The following KCNAB1 variants were observed in gnomAD, a reference collection of about 807,000 sequenced individuals.
KCNAB1 encodes the protein voltage-gated potassium channel subunit beta-1.
KCNAB1 carries 35 observed loss-of-function variants against 64.6 expected under a neutral mutation model. The ratio of observed to expected loss-of-function variants is 0.54; its 90% confidence interval spans 0.41 to 0.72. The LOEUF is 0.72. Ranked by LOEUF, KCNAB1 falls within the 30% of genes least tolerant of loss-of-function variation. The pLI, the probability that KCNAB1 is intolerant of heterozygous loss-of-function variation, is 0.00. For synonymous variants in KCNAB1, 177 were observed against 183.8 expected (o/e 0.96, Z 0.30); for missense variants, 401 against 512.9 (o/e 0.78, Z 2.11).
intron 1 of KCNAB1, among the ~76,000 whole-genome samples, chr3:156,224,337 CG>C (rs1173347760): frequency 2.0e-5 from 3 of 152,252 alleles, no homozygotes; most frequent in Admixed American, 2.0e-4. Flanking sequence ...CTGAGGGAGC[CG>C]GCTCCGGCCT....
chr3:156,378,553 G>T (rs936385257), intron 1 of KCNAB1, among the ~76,000 whole-genome samples: 5 of 152,114 alleles, frequency 3.3e-5, no homozygotes, highest in Non-Finnish European at 7.4e-5. Flanking sequence ...GAGCATCTAT[G>T]TTCAAGAAAT....
chr3:156,295,665 T>G lies in KCNAB1; in HGVS notation c.276-125951T>G, dbSNP rs1720726286. On this transcript the variant is annotated intron_variant, in intron 1 of 13. Coordinates refer to ENST00000490337, the MANE Select transcript of KCNAB1 (RefSeq NM_172160.3). Reference sequence around the variant, plus strand: ...ACAAGATTCCACCTAATGTTTATACTGAGGACTATCCTGTATGTAAATAAC... The same window carrying G: ...ACAAGATTCCACCTAATGTTTATACGGAGGACTATCCTGTATGTAAATAAC... 5.3e-5 allele frequency among the ~76,000 whole-genome samples: 8 copies of G among 152,358 alleles called. 1 individual carries two copies. In the South Asian group the frequency reaches 1.7e-3, roughly 32 times the overall value.
intron 1 of KCNAB1, among the ~76,000 whole-genome samples, chr3:156,141,821 G>A (rs1714722761): frequency 6.6e-6 from 1 of 152,178 alleles, no homozygotes; most frequent in Non-Finnish European, 1.5e-5. Flanking sequence ...AGTTTGGAAT[G>A]TTTAGTCTTA....
chr3:156,385,196 G>A (rs1392803598), intron 1 of KCNAB1, among the ~76,000 whole-genome samples: 1 of 152,156 alleles, frequency 6.6e-6, no homozygotes, highest in African/African-American at 2.4e-5. Flanking sequence ...ATCCGTGTTT[G>A]AGAAACATGT....
intron 1 of KCNAB1, among the ~76,000 whole-genome samples, chr3:156,125,121 G>C (rs1282153412): frequency 6.6e-6 from 1 of 150,566 alleles, no homozygotes; most frequent in East Asian, 1.9e-4. Flanking sequence ...CTGGGTGACA[G>C]AGCAACACTC....
chr3:156,435,346 A>G (rs1716518417), intron 2 of KCNAB1, among the ~76,000 whole-genome samples: 1 of 152,230 alleles, frequency 6.6e-6, no homozygotes, highest in African/African-American at 2.4e-5. Flanking sequence ...AAATGCACAC[A>G]TTGGAGAAAA....
At chr3:156,463,270 T>C (rs971023145) in intron 5 of KCNAB1, among the ~76,000 whole-genome samples, 10 of 152,200 alleles carry the variant, frequency 6.6e-5, no homozygotes, top group Non-Finnish European at 1.3e-4. Flanking sequence ...TGAGGCCAGA[T>C]ACTGAATACG....
chr3:156,160,796 C>T (rs533913092), intron 1 of KCNAB1, among the ~76,000 whole-genome samples: 14 of 152,234 alleles, frequency 9.2e-5, no homozygotes, highest in Admixed American at 2.6e-4. Context: ...TAGCTTTGTT[C>T]GCTGCATTCT....
At chr3:156,448,721 T>G (rs1163113184) in intron 2 of KCNAB1, among the ~76,000 whole-genome samples, 1 of 131,592 alleles carries the variant, frequency 7.6e-6, no homozygotes, top group Non-Finnish European at 1.5e-5. Flanking sequence ...ATTATTCATT[T>G]TTCTATAAGT....
intron 1 of KCNAB1, among the ~76,000 whole-genome samples, chr3:156,395,269 GGC>G (rs958304600): frequency 2.0e-5 from 3 of 149,888 alleles, no homozygotes; most frequent in Non-Finnish European, 2.9e-5. Context: ...GTTAGGGCCG[GGC>G]GCGGTGGCTC....
At chr3:156,520,454 T>G (rs1439761970) in intron 11 of KCNAB1, among the ~76,000 whole-genome samples, 1 of 152,140 alleles carries the variant, frequency 6.6e-6, no homozygotes, top group African/African-American at 2.4e-5. Context: ...CATGCTCACC[T>G]GTAGTCCCAA....
intron 1 of KCNAB1, among the ~76,000 whole-genome samples, chr3:156,328,895 TG>T (rs2108040575): frequency 6.6e-6 from 1 of 152,322 alleles, no homozygotes; most frequent in East Asian, 1.9e-4. Flanking sequence ...GAAATGGAGT[TG>T]TTTGATATTT....
intron 2 of KCNAB1, chr3:156,446,915 T>C (rs901084668): frequency 7.9e-5 from 12 of 152,272 alleles, no homozygotes; most frequent in Admixed American, 5.9e-4. Context: ...TATTCAAAAT[T>C]ATTCACTAGC....
At chr3:156,350,148 A>T (rs1576758652) in intron 1 of KCNAB1, among the ~76,000 whole-genome samples, 1 of 152,330 alleles carries the variant, frequency 6.6e-6, no homozygotes, top group East Asian at 1.9e-4. Context: ...AAAATCCATA[A>T]TGACAAGTGA....
chr3:156,244,716 A>G (rs1717355529), intron 1 of KCNAB1, among the ~76,000 whole-genome samples: 1 of 152,088 alleles, frequency 6.6e-6, no homozygotes, highest in African/African-American at 2.4e-5. Context: ...ATCTCTATGT[A>G]TTTCCTCTTT....
chr3:156,497,085 T>TG (rs1716060233), intron 8 of KCNAB1, among the ~76,000 whole-genome samples: 1 of 152,170 alleles, frequency 6.6e-6, no homozygotes. Flanking sequence ...AATTCACTGT[T>TG]GAAAAACTAA....
rs183149750 is a variant in KCNAB1, at chr3:156,246,819, G to T, written c.275+125933G>T. Among the ~76,000 whole-genome samples the T allele has an allele frequency of 2.3e-3, 344 of 152,264 alleles. 2 individuals carry two copies. Among genetic ancestry groups the T allele is most frequent in the African/African-American group, 8.0e-3 (334 of 41,544 alleles). On this transcript the variant is annotated intron_variant, in intron 1 of 13. Coordinates refer to ENST00000490337, the MANE Select transcript of KCNAB1 (RefSeq NM_172160.3). ...ATCTGCTGTATTTGATCAGGAACAG[G>T]CAAGGTAGGTGACAAAGGTAGTGAG...
rs564149870 is a variant in KCNAB1 at position 156,227,006 on chromosome 3, T to C, written c.275+106120T>C. ...CAGCCTGGAGCTTGTAAGGATTCCATAGAAATAAAAGCATATGAAGAATGA... is the reference window on the plus strand; with the variant it reads ...CAGCCTGGAGCTTGTAAGGATTCCACAGAAATAAAAGCATATGAAGAATGA... On this transcript the variant is annotated intron_variant, in intron 1 of 13. Coordinates refer to ENST00000490337, the MANE Select transcript of KCNAB1 (RefSeq NM_172160.3). Among the ~76,000 whole-genome samples, 8 of 152,358 alleles carry C rather than the reference T, an allele frequency of 5.3e-5. No homozygotes were observed. The South Asian group carries it at 1.4e-3, about 28-fold the overall frequency.
chr3:156,537,099 G>T lies in KCNAB1; in HGVS notation c.*352G>T. The T allele has an allele frequency of 2.5e-6, 1 of 402,550 alleles. No individual in the cohort carries two copies. The highest frequency in any genetic ancestry group is 4.4e-6 in the Non-Finnish European group (1 of 228,614). 24.9% of individuals were successfully genotyped at this position (402,550 alleles called of 1,614,324 possible). A position where few individuals can be genotyped will look rare whatever the true frequency, so the allele number is the denominator to read the frequency against. ...GCTGTACAGATATATTTTTTCAAAA[G>T]AACAAAATCCACAGATGCAATGTGA... is the stretch of plus-strand genomic sequence containing the variant. On this transcript the variant is annotated 3_prime_UTR_variant, in exon 14 of 14. Transcript: ENST00000490337.
Sources: allele counts gnomAD v4.1 joint callset (sites outside exome capture counted in the v4.1 genomes callset), GRCh38; gene constraint gnomAD v4.1.1; transcripts MANE v1.5; gene names NCBI Gene and HGNC (gene_info 2026-07-23, HGNC 2026-07-21).